Variants in RANBP2 observed in about 807,000 individuals in gnomAD.
RANBP2 encodes the protein E3 SUMO-protein ligase RanBP2.
RANBP2 carries 57 observed loss-of-function variants against 303.6 expected under a neutral mutation model. That is an observed-to-expected ratio of 0.19 (90% confidence interval 0.15 to 0.23). RANBP2 has a LOEUF of 0.23. Ranked by LOEUF, RANBP2 falls within the 10% of genes least tolerant of loss-of-function variation. The pLI, the probability that RANBP2 is intolerant of heterozygous loss-of-function variation, is 1.00. For missense variants in RANBP2, 3,138 were observed against 3,780.8 expected, an observed-to-expected ratio of 0.83 and a Z score of 4.46; for synonymous variants, 1,167 against 1,301.5, an observed-to-expected ratio of 0.90 and a Z score of 2.23.
At chr2:108,791,759 T>C in the RANBP2 span, 1 of 1,601,804 alleles carries the variant, frequency 6.2e-7, no homozygotes, top group Non-Finnish European at 8.5e-7. Context: ...ATAGAGTTAG[T>C]ACCTCGAAAA....
the RANBP2 span, among the ~76,000 whole-genome samples, chr2:109,312,187 T>C: frequency 2.0e-5 from 3 of 152,158 alleles, no homozygotes; most frequent in Non-Finnish European, 4.4e-5. Context: ...CTAATGAAAA[T>C]CTTACACAAT....
the RANBP2 span, among the ~76,000 whole-genome samples, chr2:109,094,696 G>T: frequency 6.6e-6 from 1 of 152,122 alleles, no homozygotes. Context: ...TAGGCATAGT[G>T]GTGGGTGCCT....
the RANBP2 span, among the ~76,000 whole-genome samples, chr2:109,062,559 A>G: frequency 6.6e-6 from 1 of 152,118 alleles, no homozygotes; most frequent in Non-Finnish European, 1.5e-5. Context: ...CACACCCAGG[A>G]AAGTCCCCTG....
chr2:109,632,948 G>A, the RANBP2 span, among the ~76,000 whole-genome samples: 7 of 152,122 alleles, frequency 4.6e-5, no homozygotes, highest in African/African-American at 1.7e-4. Flanking sequence ...TACCACAAAT[G>A]TGATACCTTC....
At chr2:108,809,486 GTGA>G in the RANBP2 span, among the ~76,000 whole-genome samples, 1 of 148,834 alleles carries the variant, frequency 6.7e-6, no homozygotes, top group Non-Finnish European at 1.5e-5. Flanking sequence ...GTGTGTGTGT[GTGA>G]TCTTCAGTTT....
chr2:109,170,043 GT>G, the RANBP2 span, among the ~76,000 whole-genome samples: 3 of 152,126 alleles, frequency 2.0e-5, no homozygotes, highest in Admixed American at 1.3e-4. Context: ...AACTGTTATA[GT>G]TTTGATAATC....
the RANBP2 span, among the ~76,000 whole-genome samples, chr2:109,763,250 C>G: frequency 6.7e-6 from 1 of 150,334 alleles, no homozygotes; most frequent in African/African-American, 2.4e-5. Context: ...TATTATTTAT[C>G]AGACACTGTT....
the RANBP2 span, among the ~76,000 whole-genome samples, chr2:109,367,237 T>C: frequency 1.3e-5 from 2 of 151,840 alleles, no homozygotes; most frequent in African/African-American, 4.8e-5. Flanking sequence ...GAACTGGGAT[T>C]ACAGGTGTGA....
the RANBP2 span, chr2:109,398,440 C>T: frequency 1.3e-6 from 1 of 740,950 alleles, no homozygotes; most frequent in East Asian, 2.7e-5. Context: ...TATGCCACCC[C>T]ACCAGCCTCT....
chr2:108,826,412 G>A, the RANBP2 span, among the ~76,000 whole-genome samples: 1 of 152,032 alleles, frequency 6.6e-6, no homozygotes, highest in South Asian at 2.1e-4. Flanking sequence ...GGCCTTTGAT[G>A]CATTTTGAGT....
chr2:109,637,488 A>C, the RANBP2 span, among the ~76,000 whole-genome samples: 1 of 152,154 alleles, frequency 6.6e-6, no homozygotes, highest in Non-Finnish European at 1.5e-5. Flanking sequence ...TCACATGGGG[A>C]GAAACCTTGG....
At chr2:109,249,019 C>T in the RANBP2 span, among the ~76,000 whole-genome samples, 4 of 152,064 alleles carry the variant, frequency 2.6e-5, no homozygotes, top group African/African-American at 9.7e-5. Context: ...GTAGCTGGGA[C>T]TATAGGTGCA....
chr2:109,021,386 G>C, the RANBP2 span, among the ~76,000 whole-genome samples: 2 of 152,078 alleles, frequency 1.3e-5, no homozygotes, highest in African/African-American at 2.4e-5. Flanking sequence ...AGCCGGGCGT[G>C]GTGGTGGGCG....
the RANBP2 span, among the ~76,000 whole-genome samples, chr2:108,965,374 G>T: frequency 6.6e-6 from 1 of 151,836 alleles, no homozygotes; most frequent in Admixed American, 6.6e-5. Flanking sequence ...CCAGCTACTC[G>T]GGAGGCTGAG....
chr2:109,575,050 G>T, the RANBP2 span, among the ~76,000 whole-genome samples: 1 of 152,182 alleles, frequency 6.6e-6, no homozygotes, highest in Non-Finnish European at 1.5e-5. Flanking sequence ...TCATAAAGTT[G>T]AGAAATCCTA....
the RANBP2 span, among the ~76,000 whole-genome samples, chr2:108,937,465 A>T: frequency 2.0e-3 from 309 of 152,128 alleles, 1 homozygote; most frequent in African/African-American, 7.1e-3. Context: ...ATGCATGTGT[A>T]TATGTGAGTG....
the RANBP2 span, among the ~76,000 whole-genome samples, chr2:108,855,625 C>T: frequency 6.6e-6 from 1 of 152,042 alleles, no homozygotes; most frequent in Non-Finnish European, 1.5e-5. Context: ...TGTTGGTGTT[C>T]CTTGAACTAA....
At chr2:108,755,530 C>G (rs1244872962) in intron 17 of RANBP2, among the ~76,000 whole-genome samples, 1 of 151,934 alleles carries the variant, frequency 6.6e-6, no homozygotes, top group African/African-American at 2.4e-5. Flanking sequence ...GCCAGGACTA[C>G]AGACAGTCAC....
the RANBP2 span, chr2:109,737,441 G>C: frequency 1.5e-6 from 1 of 649,592 alleles, no homozygotes; most frequent in Non-Finnish European, 2.7e-6. Flanking sequence ...TCTTCTATGG[G>C]GTGGGTGCAA....
Sources: gnomAD v4.1 joint callset for allele counts (sites outside exome capture counted in the v4.1 genomes callset) on GRCh38, gnomAD v4.1.1 for gene constraint, MANE v1.5 for transcripts, NCBI Gene and HGNC (gene_info 2026-07-23, HGNC 2026-07-21) for gene names.